Variants in ABTB3 observed in about 807,000 individuals in gnomAD.
ABTB3 encodes the protein ankyrin repeat and BTB domain containing 3.
the ABTB3 span, among the ~76,000 whole-genome samples, chr12:107,399,184 C>G: frequency 6.6e-6 from 1 of 152,156 alleles, no homozygotes; most frequent in African/African-American, 2.4e-5. Flanking sequence ...TTGAAAACTG[C>G]TTTTCTTTAA....
At chr12:107,451,277 C>A in the ABTB3 span, among the ~76,000 whole-genome samples, 1 of 152,250 alleles carries the variant, frequency 6.6e-6, no homozygotes, top group African/African-American at 2.4e-5. Flanking sequence ...TTGCAAAAGG[C>A]GAGGTGGAAA....
chr12:107,581,231 A>G, the ABTB3 span: 1 of 1,532,128 alleles, frequency 6.5e-7, no homozygotes, highest in South Asian at 1.2e-5. Flanking sequence ...CAGCTTCTCC[A>G]TGGACAGCGA....
chr12:107,485,687 A>T, the ABTB3 span, among the ~76,000 whole-genome samples: 1 of 152,048 alleles, frequency 6.6e-6, no homozygotes, highest in African/African-American at 2.4e-5. Flanking sequence ...TTGTTTTTTG[A>T]TTTCTTCTTT....
chr12:107,390,314 A>G, the ABTB3 span, among the ~76,000 whole-genome samples: 1 of 152,182 alleles, frequency 6.6e-6, no homozygotes, highest in Non-Finnish European at 1.5e-5. Context: ...CCTTTTATGG[A>G]TGAGAGAATA....
At chr12:107,483,615 G>A in the ABTB3 span, among the ~76,000 whole-genome samples, 4 of 152,174 alleles carry the variant, frequency 2.6e-5, no homozygotes, top group African/African-American at 9.7e-5. Context: ...TGGTTGATCT[G>A]ATTCCCAAAT....
At chr12:107,538,409 A>ATCCT in the ABTB3 span, among the ~76,000 whole-genome samples, 2 of 152,228 alleles carry the variant, frequency 1.3e-5, no homozygotes, top group African/African-American at 4.8e-5. Flanking sequence ...GCTAAGAATT[A>ATCCT]TCCTGCACAC....
At chr12:107,452,199 T>C in the ABTB3 span, among the ~76,000 whole-genome samples, 8 of 142,698 alleles carry the variant, frequency 5.6e-5, no homozygotes, top group Non-Finnish European at 7.5e-5. Flanking sequence ...TCTGCCCATA[T>C]GAATTTTTTT....
chr12:107,469,920 TTCTCTC>T, the ABTB3 span, among the ~76,000 whole-genome samples: 1 of 101,976 alleles, frequency 9.8e-6, no homozygotes, highest in African/African-American at 4.6e-5. Context: ...CTTTCTTTCT[TTCTCTC>T]TCTCTCTCTT....
the ABTB3 span, among the ~76,000 whole-genome samples, chr12:107,512,457 A>G: frequency 1.3e-5 from 2 of 152,190 alleles, no homozygotes; most frequent in African/African-American, 4.8e-5. Flanking sequence ...TTTGAGGTTA[A>G]TGGTATTTCA....
chr12:107,363,554 T>C, the ABTB3 span, among the ~76,000 whole-genome samples: 8 of 152,268 alleles, frequency 5.3e-5, no homozygotes, highest in Middle Eastern at 3.4e-3. Flanking sequence ...AGAAACTGAG[T>C]AAAGCAAGAG....
chr12:107,630,194 C>T, the ABTB3 span, among the ~76,000 whole-genome samples: 1 of 152,184 alleles, frequency 6.6e-6, no homozygotes, highest in Non-Finnish European at 1.5e-5. Flanking sequence ...TTGGTGCCAC[C>T]ACGGCGTAGC....
the ABTB3 span, among the ~76,000 whole-genome samples, chr12:107,422,660 A>G: frequency 6.6e-6 from 1 of 152,264 alleles, no homozygotes; most frequent in Non-Finnish European, 1.5e-5. Flanking sequence ...AGATCTGCCA[A>G]GATTTGCTAA....
chr12:107,470,179 C>T, the ABTB3 span, among the ~76,000 whole-genome samples: 8 of 151,738 alleles, frequency 5.3e-5, no homozygotes, highest in Admixed American at 3.3e-4. Flanking sequence ...GCTGGGATTA[C>T]AGGCGTGCAT....
At chr12:107,415,860 C>T in the ABTB3 span, among the ~76,000 whole-genome samples, 2 of 152,110 alleles carry the variant, frequency 1.3e-5, no homozygotes, top group Admixed American at 6.5e-5. Context: ...AGGTTCTTTG[C>T]TTCATGCCAT....
At chr12:107,448,637 C>CTTT in the ABTB3 span, among the ~76,000 whole-genome samples, 1 of 148,280 alleles carries the variant, frequency 6.7e-6, no homozygotes, top group Non-Finnish European at 1.5e-5. Context: ...TTCTTTCTTT[C>CTTT]TTTCTTTCTT....
At chr12:107,321,162 C>T in the ABTB3 span, among the ~76,000 whole-genome samples, 2 of 152,158 alleles carry the variant, frequency 1.3e-5, no homozygotes, top group South Asian at 4.1e-4. Context: ...GCGGTTTGGC[C>T]AGAGGTTGCG....
the ABTB3 span, among the ~76,000 whole-genome samples, chr12:107,367,100 C>T: frequency 6.6e-6 from 1 of 152,242 alleles, no homozygotes; most frequent in African/African-American, 2.4e-5. Flanking sequence ...CAGTCCGGTT[C>T]TTGTCTCATC....
At chr12:107,566,409 C>T in the ABTB3 span, among the ~76,000 whole-genome samples, 1 of 152,004 alleles carries the variant, frequency 6.6e-6, no homozygotes, top group African/African-American at 2.4e-5. Flanking sequence ...CATTTATAAC[C>T]AATTTAACTC....
At chr12:107,379,056 T>A in the ABTB3 span, among the ~76,000 whole-genome samples, 2 of 152,240 alleles carry the variant, frequency 1.3e-5, no homozygotes, top group African/African-American at 4.8e-5. Context: ...ACCATGTACC[T>A]GCTGAATGAC....
Sources: gnomAD v4.1 joint callset for allele counts (sites outside exome capture counted in the v4.1 genomes callset) on GRCh38, gnomAD v4.1.1 for gene constraint, MANE v1.5 for transcripts, NCBI Gene and HGNC (gene_info 2026-07-23, HGNC 2026-07-21) for gene names.